The following PRKG1 variants were observed in gnomAD, a reference collection of about 807,000 sequenced individuals.
PRKG1 encodes the protein cGMP-dependent protein kinase 1.
PRKG1 carries 35 observed loss-of-function variants against 88.1 expected under a neutral mutation model. The ratio of observed to expected loss-of-function variants is 0.40; its 90% confidence interval spans 0.30 to 0.53. The LOEUF is 0.53. PRKG1 is among the 20% of genes least tolerant of loss of function. PRKG1 has a pLI of 0.59. For synonymous variants in PRKG1, 303 were observed against 292.5 expected, an observed-to-expected ratio of 1.04 and a Z score of -0.37; for missense variants, 540 against 839.8, an observed-to-expected ratio of 0.64 and a Z score of 4.41.
chr10:51,958,492 G>A (rs1437764019), intron 5 of PRKG1, among the ~76,000 whole-genome samples: 1 of 150,692 alleles, frequency 6.6e-6, no homozygotes, highest in Non-Finnish European at 1.5e-5. Flanking sequence ...TTGGTCCTTT[G>A]TGGCCTATGA....
chr10:52,284,126 T>G (rs1292654374), intron 14 of PRKG1, among the ~76,000 whole-genome samples: 3 of 151,866 alleles, frequency 2.0e-5, no homozygotes, highest in African/African-American at 7.2e-5. Flanking sequence ...GGTTACAATA[T>G]CTGACTGGAA....
At chr10:51,423,345 A>G in intron 2 of PRKG1, among the ~76,000 whole-genome samples, 1 of 152,196 alleles carries the variant, frequency 6.6e-6, no homozygotes, top group East Asian at 1.9e-4. Context: ...ATTTAAAACA[A>G]CAACCTACCA....
chr10:51,764,379 T>C (rs926280868), intron 3 of PRKG1, among the ~76,000 whole-genome samples: 3 of 152,152 alleles, frequency 2.0e-5, no homozygotes, highest in African/African-American at 7.2e-5. Context: ...ATCGAATAAA[T>C]AGCTTATGTT....
At chr10:52,249,906 A>G (rs1311018952) in intron 9 of PRKG1, among the ~76,000 whole-genome samples, 2 of 152,202 alleles carry the variant, frequency 1.3e-5, no homozygotes, top group Non-Finnish European at 2.9e-5. Flanking sequence ...TCTAAATCCA[A>G]CAAACACGTG....
At chr10:51,828,172 G>A (rs1249536089) in intron 4 of PRKG1, among the ~76,000 whole-genome samples, 1 of 152,220 alleles carries the variant, frequency 6.6e-6, no homozygotes, top group Admixed American at 6.6e-5. Flanking sequence ...ATAAATGGCA[G>A]CAAGTTGTCA....
At chr10:51,323,813 C>T (rs1841513475) in intron 2 of PRKG1, among the ~76,000 whole-genome samples, 1 of 152,086 alleles carries the variant, frequency 6.6e-6, no homozygotes, top group Non-Finnish European at 1.5e-5. Context: ...GTTAGCTGGG[C>T]ATGGTGGCAC....
At chr10:52,259,860 A>G (rs1406477) in intron 10 of PRKG1, among the ~76,000 whole-genome samples, 5,845 of 152,228 alleles carry the variant, frequency 0.038, 475 homozygotes, top group East Asian at 0.34. Context: ...GGCAAAATCC[A>G]GTAAATTCTT....
intron 1 of PRKG1, among the ~76,000 whole-genome samples, chr10:51,094,799 T>A (rs1844490173): frequency 6.6e-6 from 1 of 152,200 alleles, no homozygotes; most frequent in Non-Finnish European, 1.5e-5. Context: ...AGTTTTGATT[T>A]TGGCTTTATG....
At chr10:51,275,788 G>A (rs888692607) in intron 2 of PRKG1, among the ~76,000 whole-genome samples, 6 of 151,980 alleles carry the variant, frequency 3.9e-5, no homozygotes, top group East Asian at 1.9e-4. Flanking sequence ...TAGGCAAGAC[G>A]TTACTCTATC....
intron 4 of PRKG1, among the ~76,000 whole-genome samples, chr10:51,837,654 T>G (rs1025267157): frequency 5.3e-5 from 8 of 152,090 alleles, no homozygotes; most frequent in African/African-American, 1.9e-4. Context: ...CTTCATGATC[T>G]CATAACCTAC....
intron 5 of PRKG1, among the ~76,000 whole-genome samples, chr10:52,013,406 G>A (rs1412362136): frequency 5.5e-5 from 8 of 146,360 alleles, no homozygotes; most frequent in Middle Eastern, 3.7e-3. Flanking sequence ...GTGACAGAGC[G>A]AGACTCCGTC....
In PRKG1 at chr10:51,373,602, T is replaced by TC. The variant is rs1327210825; in HGVS notation, c.479-94117dup. On this transcript the variant is annotated intron_variant, in intron 2 of 17. Transcript: ENST00000373980. ...CGATGCTCTCCGCCACCCCCTACCC[T>TC]CCCCTGACAGTCCCTAGTATGTGTT... 4.0e-5 allele frequency among the ~76,000 whole-genome samples: 6 copies of TC among 151,864 alleles called. No homozygotes were observed. The South Asian group carries it at 8.3e-4, about 21-fold the overall frequency.
intron 2 of PRKG1, among the ~76,000 whole-genome samples, chr10:51,368,246 C>A (rs1048877423): frequency 3.9e-5 from 6 of 152,014 alleles, no homozygotes; most frequent in Non-Finnish European, 8.8e-5. Context: ...GAAAAGCATG[C>A]AGTCTTCAGG....
At chr10:51,582,848 C>T (rs1838077236) in intron 3 of PRKG1, among the ~76,000 whole-genome samples, 1 of 151,918 alleles carries the variant, frequency 6.6e-6, no homozygotes, top group Admixed American at 6.6e-5. Context: ...ATATTGAGTT[C>T]ATAAAAAAAG....
chr10:51,090,246 C>T lies in PRKG1; in HGVS notation c.311+15345C>T, dbSNP rs560983352. 1.2e-4 allele frequency among the ~76,000 whole-genome samples: 18 copies of T among 152,192 alleles called. No individual in the cohort carries two copies. The South Asian group carries it at 1.2e-3, about 11-fold the overall frequency. On this transcript the variant is annotated intron_variant, in intron 1 of 17. Transcript: ENST00000373980. The stretch of plus-strand genomic sequence containing the variant: ...ATAATTTTTATTAGTTTTGTTAAAC[C>T]ATTTTCCATTGATAAAGTGCTGTGT...
intron 1 of PRKG1, among the ~76,000 whole-genome samples, chr10:51,028,241 C>A (rs1843235051): frequency 6.6e-6 from 1 of 152,092 alleles, no homozygotes; most frequent in Non-Finnish European, 1.5e-5. Context: ...TGAAAAATAT[C>A]TTTGAGGAAG....
At chr10:52,205,107 A>G (rs1839784102) in intron 9 of PRKG1, among the ~76,000 whole-genome samples, 1 of 152,164 alleles carries the variant, frequency 6.6e-6, no homozygotes, top group East Asian at 1.9e-4. Flanking sequence ...TGCTAGGATT[A>G]GGAAATTCCA....
intron 2 of PRKG1, among the ~76,000 whole-genome samples, chr10:51,426,654 T>G (rs1838594606): frequency 6.6e-6 from 1 of 152,152 alleles, no homozygotes. Context: ...ATACCCTGAA[T>G]TCATTTCCAT....
intron 3 of PRKG1, among the ~76,000 whole-genome samples, chr10:51,763,836 T>G (rs1838087693): frequency 6.6e-6 from 1 of 152,148 alleles, no homozygotes; most frequent in Admixed American, 6.5e-5. Context: ...TGGTGGGAAG[T>G]CTCTGCAGAG....
Sources: allele counts gnomAD v4.1 joint callset (sites outside exome capture counted in the v4.1 genomes callset), GRCh38; gene constraint gnomAD v4.1.1; transcripts MANE v1.5; gene names NCBI Gene and HGNC (gene_info 2026-07-23, HGNC 2026-07-21).